The following RUNDC3B variants were observed in gnomAD, a reference collection of about 807,000 sequenced individuals.
RUNDC3B encodes RUN domain containing 3B, also known as RUN domain-containing protein 3B.
A neutral mutation model predicts 58.4 loss-of-function variants in RUNDC3B; 33 were observed. That is an observed-to-expected ratio of 0.56 (90% CI 0.43 to 0.75). The LOEUF (loss-of-function observed/expected upper bound fraction) is 0.75. Among genes scored for constraint, RUNDC3B ranks in the 30% least tolerant of loss-of-function variants. The pLI is 0.00. For missense variants in RUNDC3B, 501 were observed against 535.7 expected (o/e 0.94, Z 0.64); for synonymous variants, 193 against 195.2 (o/e 0.99, Z 0.10).
chr7:87,650,243 A>G (rs1425497474), intron 1 of RUNDC3B, among the ~76,000 whole-genome samples: 1 of 152,098 alleles, frequency 6.6e-6, no homozygotes, highest in African/African-American at 2.4e-5. Context: ...TCTGAGTCTT[A>G]GTTTTTTCAG....
chr7:87,775,517 G>A (rs1834572158), intron 7 of RUNDC3B, among the ~76,000 whole-genome samples: 1 of 152,056 alleles, frequency 6.6e-6, no homozygotes, highest in African/African-American at 2.4e-5. Flanking sequence ...AATAAATTTA[G>A]TATAGCCTAG....
At chr7:87,690,171 A>G (rs1827878597) in intron 2 of RUNDC3B, among the ~76,000 whole-genome samples, 1 of 152,038 alleles carries the variant, frequency 6.6e-6, no homozygotes, top group Admixed American at 6.6e-5. Flanking sequence ...ACCCTGTAGT[A>G]CAGATATATT....
intron 6 of RUNDC3B, among the ~76,000 whole-genome samples, chr7:87,761,484 C>T (rs531657344): frequency 3.3e-5 from 5 of 151,916 alleles, no homozygotes; most frequent in Non-Finnish European, 5.9e-5. Context: ...TCTCTTTCCA[C>T]CCAAGATAAC....
chr7:87,669,038 G>A (rs1825562082), intron 2 of RUNDC3B, among the ~76,000 whole-genome samples: 1 of 121,554 alleles, frequency 8.2e-6, no homozygotes, highest in Non-Finnish European at 1.8e-5. Context: ...TTTGTTAATT[G>A]TCTGCCTCAA....
chr7:87,715,528 C>T lies in RUNDC3B; in HGVS notation c.458+4873C>T, dbSNP rs571761756. Among the ~76,000 whole-genome samples, 29 of 131,960 alleles carry T rather than the reference C, an allele frequency of 2.2e-4. 1 individual carries two copies. The South Asian group carries it at 6.2e-3, about 28-fold the overall frequency. The allele number at this position is 131,960 out of a possible 152,430, so 86.6% of individuals were successfully genotyped here. On this transcript the variant is annotated intron_variant, in intron 4 of 10. Transcript: ENST00000394654. ...TATATATAATTAATTATATATATAA[C>T]ATTTAATATATAATATATTAATATA...
chr7:87,729,794 A>G (rs1328204853), intron 4 of RUNDC3B, among the ~76,000 whole-genome samples: 1 of 152,216 alleles, frequency 6.6e-6, no homozygotes. Flanking sequence ...CAGGCAGCAC[A>G]GTTTGCAGCT....
chr7:87,779,449 A>T (rs1018507692), intron 8 of RUNDC3B, among the ~76,000 whole-genome samples: 5 of 152,152 alleles, frequency 3.3e-5, no homozygotes, highest in African/African-American at 1.2e-4. Flanking sequence ...GGATTACAAC[A>T]TAAGTAGTTA....
intron 6 of RUNDC3B, among the ~76,000 whole-genome samples, chr7:87,744,808 A>G (rs563547706): frequency 9.5e-4 from 144 of 152,172 alleles, no homozygotes; most frequent in Middle Eastern, 3.4e-3. Flanking sequence ...GATGCTCTTT[A>G]TTTCTTTCTC....
In RUNDC3B at chr7:87,755,481, A is replaced by C. The variant is rs1335706696; in HGVS notation, c.629+13902A>C. The stretch of plus-strand genomic sequence containing the variant: ...CAGTATCCTTGATGAACATTATTAC[A>C]AAAATCCTCAACAAAATACTGGCAA... On this transcript the variant is annotated intron_variant, in intron 6 of 10. Coordinates refer to ENST00000394654, the MANE Select transcript of RUNDC3B (RefSeq NM_001134405.2). Among the ~76,000 whole-genome samples, 3 of 152,300 alleles carry C rather than the reference A, an allele frequency of 2.0e-5. No homozygotes were observed. In the East Asian group the frequency reaches 5.8e-4, roughly 29 times the overall value.
chr7:87,770,117 G>A (rs947949213), intron 6 of RUNDC3B, among the ~76,000 whole-genome samples: 15 of 151,926 alleles, frequency 9.9e-5, no homozygotes, highest in African/African-American at 3.4e-4. Context: ...CTAAAGCTGA[G>A]CTGATCTTGA....
At chr7:87,664,168 A>G (rs1293138022) in intron 2 of RUNDC3B, among the ~76,000 whole-genome samples, 1 of 152,080 alleles carries the variant, frequency 6.6e-6, no homozygotes, top group Non-Finnish European at 1.5e-5. Flanking sequence ...TAAATTAAAA[A>G]TATACAGGGT....
intron 2 of RUNDC3B, among the ~76,000 whole-genome samples, chr7:87,683,584 A>G (rs1827151213): frequency 6.6e-6 from 1 of 152,206 alleles, no homozygotes; most frequent in Non-Finnish European, 1.5e-5. Context: ...TAGCTGGAGC[A>G]TTCAGAACAC....
At chr7:87,632,974 G>A (rs184200646) in intron 1 of RUNDC3B, among the ~76,000 whole-genome samples, 4 of 152,310 alleles carry the variant, frequency 2.6e-5, no homozygotes, top group Admixed American at 2.0e-4. Flanking sequence ...AAGGAGTAGT[G>A]TGATAAGCAC....
At chr7:87,636,467 G>A (rs1035220714) in intron 1 of RUNDC3B, among the ~76,000 whole-genome samples, 10 of 152,020 alleles carry the variant, frequency 6.6e-5, no homozygotes, top group Non-Finnish European at 1.0e-4. Context: ...TTCTGTATGG[G>A]AATCTTTTGT....
rs542160256 is a variant in RUNDC3B, at chr7:87,775,238, C to A, written c.799-2560C>A. Among the ~76,000 whole-genome samples, 12 of 152,096 alleles carry A rather than the reference C, an allele frequency of 7.9e-5. 1 individual carries two copies. The highest frequency in any genetic ancestry group is 2.9e-4 in the African/African-American group (12 of 41,490). ...AGACAGTGATATTGATGATCCTGAC[C>A]CTGTGTTGTAGGCCTAGGCTAATGT... On this transcript the variant is annotated intron_variant, in intron 7 of 10. Coordinates refer to ENST00000394654, the MANE Select transcript of RUNDC3B (RefSeq NM_001134405.2).
intron 4 of RUNDC3B, among the ~76,000 whole-genome samples, chr7:87,724,173 T>C (rs1006172916): frequency 6.6e-6 from 1 of 152,132 alleles, no homozygotes; most frequent in Non-Finnish European, 1.5e-5. Context: ...CAGTGAGCCT[T>C]GATCACACCA....
intron 7 of RUNDC3B, among the ~76,000 whole-genome samples, chr7:87,776,225 G>A (rs1834616953): frequency 6.6e-6 from 1 of 151,922 alleles, no homozygotes; most frequent in African/African-American, 2.4e-5. Context: ...CGAAACTCTT[G>A]GATGTGCATA....
At chr7:87,708,133 T>G (rs1829769942) in intron 3 of RUNDC3B, among the ~76,000 whole-genome samples, 1 of 151,938 alleles carries the variant, frequency 6.6e-6, no homozygotes, top group Admixed American at 6.6e-5. Flanking sequence ...AAAGTCAAAG[T>G]AGAAGGAAAG....
intron 1 of RUNDC3B, among the ~76,000 whole-genome samples, chr7:87,640,231 A>G (rs1369045406): frequency 6.7e-6 from 1 of 150,346 alleles, no homozygotes; most frequent in African/African-American, 2.4e-5. Context: ...TTATTTTATT[A>G]CCATATTTTT....
Sources: allele counts gnomAD v4.1 joint callset (sites outside exome capture counted in the v4.1 genomes callset), GRCh38; gene constraint gnomAD v4.1.1; transcripts MANE v1.5; gene names NCBI Gene and HGNC (gene_info 2026-07-23, HGNC 2026-07-21).